Variants in CDC42EP4 observed in about 807,000 individuals in gnomAD.
CDC42EP4 encodes the protein CDC42 effector protein (Rho GTPase binding) 4.
In CDC42EP4, 6 loss-of-function variants were observed where a neutral mutation model predicts 5.6. That is an observed-to-expected ratio of 1.07 (90% CI 0.59 to 2.12). The LOEUF is 2.12. CDC42EP4 is among the 30% of genes most tolerant of loss of function. The pLI is 0.00. For synonymous variants in CDC42EP4, 230 were observed against 224.2 expected (o/e 1.03, Z -0.23); for missense variants, 490 against 508.6 (o/e 0.96, Z 0.35).
At chr17:73,299,126 TA>T (rs2062203609) in intron 1 of CDC42EP4, among the ~76,000 whole-genome samples, 1 of 151,938 alleles carries the variant, frequency 6.6e-6, no homozygotes. Context: ...CCTGGTTTAT[TA>T]AAAATAAATA....
intron 1 of CDC42EP4, among the ~76,000 whole-genome samples, chr17:73,295,734 C>T (rs2062181057): frequency 6.6e-6 from 1 of 151,846 alleles, no homozygotes; most frequent in African/African-American, 2.4e-5. Context: ...GAAACCCCAT[C>T]TCAACTAATA....
intron 1 of CDC42EP4, among the ~76,000 whole-genome samples, chr17:73,304,656 G>C (rs1034274626): frequency 1.4e-5 from 2 of 140,798 alleles, no homozygotes; most frequent in East Asian, 2.0e-4. Flanking sequence ...ACATCGGGGT[G>C]GGGGGGGCGG....
chr17:73,293,053 G>A (rs1455583693), intron 1 of CDC42EP4, among the ~76,000 whole-genome samples: 1 of 152,076 alleles, frequency 6.6e-6, no homozygotes. Flanking sequence ...TCACCACGTC[G>A]GCCAGGCTGG....
intron 1 of CDC42EP4, among the ~76,000 whole-genome samples, chr17:73,305,423 A>G (rs1025594105): frequency 6.6e-6 from 1 of 152,178 alleles, no homozygotes; most frequent in Non-Finnish European, 1.5e-5. Flanking sequence ...CAGATCTGCC[A>G]GGCCTTGTTT....
rs547362762 is a variant in CDC42EP4 at position 73,297,001 on chromosome 17, A to AAAAAAAAAAAAAAAAAAAAAACACAC, written c.-112-10390_-112-10389insGTGTGTTTTTTTTTTTTTTTTTTTTT. Among the ~76,000 whole-genome samples, 2 of 61,734 alleles carry AAAAAAAAAAAAAAAAAAAAAACACAC rather than the reference A, an allele frequency of 3.2e-5. 1 individual carries two copies. Among genetic ancestry groups the AAAAAAAAAAAAAAAAAAAAAACACAC allele is most frequent in the Non-Finnish European group, 6.7e-5 (2 of 30,036 alleles). The allele number at this position is 61,734 out of a possible 152,430, so 40.5% of individuals were successfully genotyped here. A position where few individuals can be genotyped will look rare whatever the true frequency, so the allele number is the denominator to read the frequency against. On this transcript the variant is annotated intron_variant, in intron 1 of 1. Coordinates refer to ENST00000335793, the MANE Select transcript of CDC42EP4 (RefSeq NM_012121.5). ...GTCTCAAAAAAAAAAAAAAAAAAAA[A>AAAAAAAAAAAAAAAAAAAAAACACAC]AAATACACAAGGCCAAGCGCCGTGG...
At chr17:73,287,964 C>G (rs1047995604) in intron 1 of CDC42EP4, among the ~76,000 whole-genome samples, 2 of 152,164 alleles carry the variant, frequency 1.3e-5, no homozygotes, top group African/African-American at 2.4e-5. Flanking sequence ...AGTGCAGACC[C>G]CTTGATCCAA....
chr17:73,296,206 A>G (rs1016499076), intron 1 of CDC42EP4, among the ~76,000 whole-genome samples: 35 of 148,612 alleles, frequency 2.4e-4, no homozygotes, highest in Non-Finnish European at 4.4e-4. Context: ...CAATATGGCG[A>G]AACCCTGTCT....
At chr17:73,301,380 T>C (rs957112151) in intron 1 of CDC42EP4, among the ~76,000 whole-genome samples, 15 of 152,182 alleles carry the variant, frequency 9.9e-5, no homozygotes, top group African/African-American at 3.4e-4. Context: ...AAGCCAACCA[T>C]TGTTCACAGC....
intron 1 of CDC42EP4, among the ~76,000 whole-genome samples, chr17:73,288,563 G>A (rs142813319): frequency 6.6e-6 from 1 of 152,044 alleles, no homozygotes; most frequent in South Asian, 2.1e-4. Flanking sequence ...CACCGCGCCT[G>A]GTCCATCCAG....
Position 73,285,689 on chromosome 17 carries a change from G to T in CDC42EP4, c.812C>A (p.Pro271Gln). ...ATGGGAGGGGAGGGAGGGCAAGTCT[G>T]GGCCAGCCTTGCCTTCCTGCCTTGC... ...PLARQEGKAGPDLPSLPSHAL... is the reference protein window; with the variant it reads ...PLARQEGKAGQDLPSLPSHAL... Residue 271 changes from proline (P) to glutamine (Q), a missense_variant, in exon 2 of 2, where the codon CCA (proline) becomes CAA (glutamine). Coordinates refer to ENST00000335793, the MANE Select transcript of CDC42EP4 (RefSeq NM_012121.5). This position sits in a 1 kb window ranked among gnomAD's most constrained non-coding sequence, Gnocchi z 6.8. 1 of 1,572,406 alleles carries T rather than the reference G, an allele frequency of 6.4e-7. No individual in the cohort carries two copies. The highest frequency in any genetic ancestry group is 8.7e-7 in the Non-Finnish European group (1 of 1,154,378).
chr17:73,284,539 TA>T lies in CDC42EP4; in HGVS notation c.*890del, dbSNP rs2062119452. 6.6e-6 allele frequency: 1 copy of T among 151,618 alleles called. No individual in the cohort carries two copies. Among genetic ancestry groups the T allele is most frequent in the African/African-American group, 2.4e-5 (1 of 41,164 alleles). 9.4% of individuals were successfully genotyped at this position (151,618 alleles called of 1,614,324 possible). On this transcript the variant is annotated 3_prime_UTR_variant, in exon 2 of 2. Coordinates refer to ENST00000335793, the MANE Select transcript of CDC42EP4 (RefSeq NM_012121.5). ...CGGATGTCCCCAGACTCCAGTCCGC[TA>T]ATCGCCACCAGACTCCAGTCCGCTA...
At chr17:73,288,863 A>G (rs1358103827) in intron 1 of CDC42EP4, among the ~76,000 whole-genome samples, 1 of 151,982 alleles carries the variant, frequency 6.6e-6, no homozygotes, top group Non-Finnish European at 1.5e-5. Flanking sequence ...AGCAAACACA[A>G]AGTTCTCTCG....
chr17:73,310,875 A>C (rs1326397311), intron 1 of CDC42EP4: 1 of 151,796 alleles, frequency 6.6e-6, no homozygotes. Context: ...CGGCCGGGGC[A>C]CTCACCGGCT....
chr17:73,296,417 CAAA>C (rs541518590), intron 1 of CDC42EP4, among the ~76,000 whole-genome samples: 98 of 95,800 alleles, frequency 1.0e-3, no homozygotes, highest in Admixed American at 1.7e-3. Context: ...GACTCCATCT[CAAA>C]AAAAAAAAAA....
chr17:73,291,900 C>T (rs933781027), intron 1 of CDC42EP4, among the ~76,000 whole-genome samples: 1 of 152,208 alleles, frequency 6.6e-6, no homozygotes, highest in African/African-American at 2.4e-5. Context: ...ACAGCAACCA[C>T]ACCTTTAGTT....
In CDC42EP4 at chr17:73,285,739, C is replaced by T. The variant is rs756415771; in HGVS notation, c.762G>A (p.Pro254=). Residue 254 remains proline (P), a synonymous_variant, in exon 2 of 2, where the codon CCG becomes CCA. Transcript: ENST00000335793. This position sits in a 1 kb window ranked among gnomAD's most constrained non-coding sequence, Gnocchi z 6.8. ...CCAGGGGAGGGGCCGCCACGGCGTACGGGGGAGCCTGGGTGATGGTGCCAG... is the reference window on the plus strand; with the variant it reads ...CCAGGGGAGGGGCCGCCACGGCGTATGGGGGAGCCTGGGTGATGGTGCCAG... The part of the protein sequence containing the change: ...GAAGTITQAP[P]YAVAAPPLAR... The T allele has an allele frequency of 1.5e-5, 24 of 1,586,298 alleles. No individual in the cohort carries two copies. Among genetic ancestry groups the T allele is most frequent in the Non-Finnish European group, 1.8e-5 (21 of 1,161,116 alleles).
chr17:73,304,528 AGAGCACC>A (rs2062235298), intron 1 of CDC42EP4, among the ~76,000 whole-genome samples: 1 of 151,984 alleles, frequency 6.6e-6, no homozygotes, highest in Non-Finnish European at 1.5e-5. Flanking sequence ...CTCACAGATA[AGAGCACC>A]GAGACTTAGA....
At position 73,285,724 on chromosome 17, in the gene CDC42EP4, G is replaced by T. The variant is rs1348449290; in HGVS notation, c.777C>A (p.Ala259=). The part of the protein sequence containing the change: ...ITQAPPYAVA[A]PPLARQEGKA... ...TGCCTTCCTGCCTTGCCAGGGGAGG[G>T]GCCGCCACGGCGTACGGGGGAGCCT... Residue 259 remains alanine, a synonymous_variant, in exon 2 of 2, where the codon GCC becomes GCA. Transcript: ENST00000335793. The surrounding 1 kb of genome is among the most constrained non-coding windows in gnomAD (Gnocchi z 6.8). 1.3e-6 allele frequency: 2 copies of T among 1,574,638 alleles called. No individual in the cohort carries two copies. The highest frequency in any genetic ancestry group is 1.2e-5 in the South Asian group (1 of 86,622).
chr17:73,307,586 T>C (rs2062250625), intron 1 of CDC42EP4, among the ~76,000 whole-genome samples: 1 of 151,574 alleles, frequency 6.6e-6, no homozygotes, highest in South Asian at 2.1e-4. Context: ...TAGCTGGGAC[T>C]ACAGGCGCCC....
Sources: gnomAD v4.1 joint callset for allele counts (sites outside exome capture counted in the v4.1 genomes callset) on GRCh38, gnomAD v4.1.1 for gene constraint, Gnocchi (gnomAD v3.1) non-coding constraint, MANE v1.5 for transcripts, NCBI Gene and HGNC (gene_info 2026-07-23, HGNC 2026-07-21) for gene names.